SPINK13: variants seen among roughly 807,000 people sequenced by gnomAD.
SPINK13 encodes the protein serine protease inhibitor Kazal-type 13.
In SPINK13, 11 loss-of-function variants were observed where a neutral mutation model predicts 11.0. The ratio of observed to expected loss-of-function variants is 1.00; its 90% CI spans 0.63 to 1.65. SPINK13 has a LOEUF of 1.65. Ranked by LOEUF, SPINK13 falls within the 40% of genes most tolerant of loss-of-function variation. SPINK13 has a pLI of 0.00. For missense variants in SPINK13, 113 were observed against 117.7 expected (o/e 0.96, Z 0.19); for synonymous variants, 31 against 35.6 (o/e 0.87, Z 0.46).
chr5:148,273,714 G>T (rs528047743), intron 2 of SPINK13, among the ~76,000 whole-genome samples: 1 of 152,134 alleles, frequency 6.6e-6, no homozygotes, highest in Non-Finnish European at 1.5e-5. Context: ...CTAACTTTTG[G>T]AAAGTCAGAA....
At chr5:148,284,151 CT>C (rs1485802741) in intron 4 of SPINK13, among the ~76,000 whole-genome samples, 2 of 114,024 alleles carry the variant, frequency 1.8e-5, no homozygotes, top group Non-Finnish European at 3.0e-5. Flanking sequence ...CAATTCCTTC[CT>C]TCTTTCCTTC....
chr5:148,278,370 G>T (rs551000394), intron 3 of SPINK13, among the ~76,000 whole-genome samples: 162 of 152,186 alleles, frequency 1.1e-3, no homozygotes, highest in Non-Finnish European at 1.9e-3. Flanking sequence ...TTAAGGTGTC[G>T]ATTTTAGATC....
intron 3 of SPINK13, among the ~76,000 whole-genome samples, chr5:148,277,154 T>G (rs1756443348): frequency 6.6e-6 from 1 of 152,360 alleles, no homozygotes; most frequent in Admixed American, 6.5e-5. Context: ...TGAAGTTGCT[T>G]ATCAGCTTAA....
chr5:148,271,867 G>A (rs1381976726), intron 2 of SPINK13, among the ~76,000 whole-genome samples: 1 of 151,640 alleles, frequency 6.6e-6, no homozygotes, highest in Admixed American at 6.6e-5. Flanking sequence ...CTCGTGATCC[G>A]CCCGCCTGGC....
intron 1 of SPINK13, among the ~76,000 whole-genome samples, chr5:148,269,631 C>T (rs887932837): frequency 2.6e-5 from 4 of 152,154 alleles, no homozygotes; most frequent in Non-Finnish European, 5.9e-5. Flanking sequence ...CAGTTTACAC[C>T]TGTTACCTCA....
chr5:148,279,647 C>T (rs1452128661), intron 3 of SPINK13, among the ~76,000 whole-genome samples: 1 of 152,196 alleles, frequency 6.6e-6, no homozygotes, highest in East Asian at 1.9e-4. Flanking sequence ...GCAGAGAGAT[C>T]CACTGTTAGT....
intron 1 of SPINK13, among the ~76,000 whole-genome samples, chr5:148,269,653 A>G (rs1224986453): frequency 1.3e-5 from 2 of 152,176 alleles, no homozygotes; most frequent in Non-Finnish European, 2.9e-5. Context: ...AATTCTTATG[A>G]ATTCTTTACA....
intron 3 of SPINK13, among the ~76,000 whole-genome samples, chr5:148,274,986 A>C (rs1756403947): frequency 6.6e-6 from 1 of 152,200 alleles, no homozygotes; most frequent in African/African-American, 2.4e-5. Context: ...TGGTAAATCC[A>C]GGGTTTATTC....
chr5:148,276,380 T>C (rs963498891), intron 3 of SPINK13, among the ~76,000 whole-genome samples: 3 of 152,236 alleles, frequency 2.0e-5, no homozygotes, highest in Non-Finnish European at 4.4e-5. Context: ...CCCATGCCTG[T>C]GTCCTAAATA....
intron 4 of SPINK13, among the ~76,000 whole-genome samples, chr5:148,285,708 A>T (rs1337409095): frequency 6.6e-6 from 1 of 152,132 alleles, no homozygotes; most frequent in African/African-American, 2.4e-5. Flanking sequence ...GTAAAAAAAA[A>T]TCTGGTATTT....
chr5:148,270,207 G>A (rs908922669), intron 2 of SPINK13, 65 bp downstream of exon 2: 14 of 1,533,682 alleles, frequency 9.1e-6, no homozygotes, highest in East Asian at 2.3e-5. Context: ...GAAAGAAAAC[G>A]AGTAATTTTT....
intron 3 of SPINK13, among the ~76,000 whole-genome samples, chr5:148,275,091 T>C (rs1432607118): frequency 6.6e-6 from 1 of 152,148 alleles, no homozygotes; most frequent in Non-Finnish European, 1.5e-5. Context: ...CCCATCAACC[T>C]GTCATCTACA....
At chr5:148,284,295 ATTCC>A (rs541847705) in intron 4 of SPINK13, among the ~76,000 whole-genome samples, 16 of 143,724 alleles carry the variant, frequency 1.1e-4, no homozygotes, top group East Asian at 4.1e-4. Flanking sequence ...TGGTGTAGTA[ATTCC>A]TTCCTTCCTT....
chr5:148,269,042 TG>T (rs1249751654), intron 1 of SPINK13, 154 bp downstream of exon 1: 1 of 152,230 alleles, frequency 6.6e-6, no homozygotes, highest in Non-Finnish European at 1.5e-5. Context: ...CACTTATTTA[TG>T]GTTCTCCTTC....
intron 3 of SPINK13, among the ~76,000 whole-genome samples, chr5:148,277,072 CTGTT>C (rs373674475): frequency 1.2e-4 from 19 of 152,276 alleles, no homozygotes; most frequent in African/African-American, 4.6e-4. Context: ...ATTTGGCTCT[CTGTT>C]TGCCTATTAT....
intron 4 of SPINK13, among the ~76,000 whole-genome samples, chr5:148,283,887 T>C (rs1380321414): frequency 1.3e-5 from 2 of 152,118 alleles, no homozygotes; most frequent in Admixed American, 1.3e-4. Context: ...GAAAATCACA[T>C]AGATTCAAAC....
chr5:148,269,881 G>C (rs1248712852), intron 1 of SPINK13, among the ~76,000 whole-genome samples, 159 bp from the exon 2 acceptor site: 2 of 152,086 alleles, frequency 1.3e-5, no homozygotes, highest in Non-Finnish European at 2.9e-5. Context: ...CCTCTTGAAA[G>C]CAAAAGGGCT....
At chr5:148,279,217 G>A (rs1024748671) in intron 3 of SPINK13, among the ~76,000 whole-genome samples, 1 of 150,874 alleles carries the variant, frequency 6.6e-6, no homozygotes, top group Non-Finnish European at 1.5e-5. Context: ...ACACTGATGG[G>A]TCTTGACTCT....
intron 3 of SPINK13, 102 bp downstream of exon 3, chr5:148,274,486 G>A (rs1245945907): frequency 2.1e-5 from 20 of 936,368 alleles, no homozygotes; most frequent in Non-Finnish European, 3.3e-5. Context: ...AGTGGCTCAT[G>A]CCTGTAATTC....
Sources: gnomAD v4.1 joint callset for allele counts (sites outside exome capture counted in the v4.1 genomes callset) on GRCh38, gnomAD v4.1.1 for gene constraint, MANE v1.5 for transcripts, NCBI Gene and HGNC (gene_info 2026-07-23, HGNC 2026-07-21) for gene names.